TMEM108: variants seen among roughly 807,000 people sequenced by gnomAD.
The protein encoded by TMEM108 is cancer/testis antigen 124.
TMEM108 carries 12 observed loss-of-function variants against 35.1 expected under a neutral mutation model. The ratio of observed to expected loss-of-function variants is 0.34; its 90% CI spans 0.22 to 0.55. TMEM108 has a LOEUF of 0.55. Ranked by LOEUF, TMEM108 falls within the 20% of genes least tolerant of loss-of-function variation. The pLI is 0.89. For missense variants in TMEM108, 680 were observed against 753.3 expected (o/e 0.90, Z 1.14); for synonymous variants, 287 against 308.6 (o/e 0.93, Z 0.73).
intron 2 of TMEM108, among the ~76,000 whole-genome samples, chr3:133,171,316 T>C (rs569630420): frequency 6.6e-6 from 1 of 152,358 alleles, no homozygotes; most frequent in African/African-American, 2.4e-5. Flanking sequence ...ATTGCTAGTA[T>C]ATAATTTTAA....
chr3:133,080,158 G>A (rs566028136), intron 2 of TMEM108, among the ~76,000 whole-genome samples: 1 of 152,142 alleles, frequency 6.6e-6, no homozygotes. Flanking sequence ...GAGCACAGAT[G>A]GGGGACCGTT....
intron 2 of TMEM108, among the ~76,000 whole-genome samples, chr3:133,154,371 A>G (rs6808842): frequency 3.9e-5 from 6 of 152,092 alleles, no homozygotes; most frequent in African/African-American, 9.7e-5. Context: ...GCCCATGCCT[A>G]TGTCCTGAAT....
chr3:133,288,065 T>G (rs1468165852), intron 3 of TMEM108, among the ~76,000 whole-genome samples: 1 of 152,194 alleles, frequency 6.6e-6, no homozygotes, highest in African/African-American at 2.4e-5. Context: ...GAGAATTATG[T>G]GAAATTGTTA....
chr3:133,333,992 G>C (rs959478412), intron 3 of TMEM108, among the ~76,000 whole-genome samples: 3 of 152,044 alleles, frequency 2.0e-5, no homozygotes, highest in Admixed American at 6.5e-5. Flanking sequence ...TTTTATAAAT[G>C]ACAAATAGCC....
chr3:133,354,143 CTT>C (rs2072090460), intron 3 of TMEM108, among the ~76,000 whole-genome samples: 1 of 152,194 alleles, frequency 6.6e-6, no homozygotes, highest in Admixed American at 6.5e-5. Context: ...TGTTATAAAA[CTT>C]ATGTCTGTGC....
At chr3:133,215,971 G>C (rs75856246) in intron 2 of TMEM108, among the ~76,000 whole-genome samples, 1,894 of 152,020 alleles carry the variant, frequency 0.012, 17 homozygotes, top group South Asian at 0.024. Context: ...TATATCATTG[G>C]GCCTACTCGT....
intron 3 of TMEM108, among the ~76,000 whole-genome samples, chr3:133,366,960 G>C (rs911716430): frequency 3.3e-5 from 5 of 152,212 alleles, no homozygotes; most frequent in African/African-American, 1.2e-4. Flanking sequence ...GTGGTGATGA[G>C]CTGGATAGAA....
chr3:133,091,812 A>G (rs1943949949), intron 2 of TMEM108, among the ~76,000 whole-genome samples: 1 of 152,182 alleles, frequency 6.6e-6, no homozygotes, highest in Non-Finnish European at 1.5e-5. Flanking sequence ...AAAGGCAGAA[A>G]ATGAACTGAT....
chr3:133,171,706 C>G (rs1428979161), intron 2 of TMEM108, among the ~76,000 whole-genome samples: 1 of 152,164 alleles, frequency 6.6e-6, no homozygotes, highest in East Asian at 1.9e-4. Flanking sequence ...ATTTGAGAAG[C>G]ACTGCATGGG....
At chr3:133,186,117 T>C (rs915792349) in intron 2 of TMEM108, among the ~76,000 whole-genome samples, 2 of 152,126 alleles carry the variant, frequency 1.3e-5, no homozygotes, top group Non-Finnish European at 2.9e-5. Context: ...AAAAACAGAG[T>C]TGACGTTATT....
At chr3:133,082,231 TAC>T (rs930410283) in intron 2 of TMEM108, among the ~76,000 whole-genome samples, 3 of 152,346 alleles carry the variant, frequency 2.0e-5, no homozygotes, top group African/African-American at 7.2e-5. Context: ...CTCTGGAGTT[TAC>T]AGTCTACTGG....
chr3:133,212,597 T>G (rs1357785852), intron 2 of TMEM108, among the ~76,000 whole-genome samples: 1 of 151,824 alleles, frequency 6.6e-6, no homozygotes, highest in East Asian at 1.9e-4. Flanking sequence ...CCAGGCATGG[T>G]GTCTCATGCC....
chr3:133,124,235 C>T (rs1008548413), intron 2 of TMEM108, among the ~76,000 whole-genome samples: 21 of 152,140 alleles, frequency 1.4e-4, no homozygotes, highest in Admixed American at 5.2e-4. Context: ...CCAAAATAAC[C>T]GAAATGAAGA....
At chr3:133,057,465 A>C (rs1490864233) in intron 2 of TMEM108, among the ~76,000 whole-genome samples, 5 of 38,148 alleles carry the variant, frequency 1.3e-4, no homozygotes, top group African/African-American at 3.7e-4. Context: ...ATATATATAT[A>C]TATATATATA....
At chr3:133,394,444 T>C (rs2073277267) in intron 5 of TMEM108, among the ~76,000 whole-genome samples, 1 of 152,250 alleles carries the variant, frequency 6.6e-6, no homozygotes, top group African/African-American at 2.4e-5. Context: ...CTGTTTTCTC[T>C]TCTTCCTTCT....
At chr3:133,282,800 C>T (rs909653429) in intron 3 of TMEM108, among the ~76,000 whole-genome samples, 5 of 151,848 alleles carry the variant, frequency 3.3e-5, no homozygotes, top group East Asian at 1.9e-4. Flanking sequence ...CATAATGCCC[C>T]GTAAATGCTC....
chr3:133,155,132 G>T (rs139514537), intron 2 of TMEM108, among the ~76,000 whole-genome samples: 1 of 152,038 alleles, frequency 6.6e-6, no homozygotes, highest in Admixed American at 6.6e-5. Context: ...TCTTGCATTC[G>T]TTTGGTAAGG....
intron 2 of TMEM108, among the ~76,000 whole-genome samples, chr3:133,133,317 A>T (rs566513248): frequency 2.0e-5 from 3 of 152,342 alleles, no homozygotes; most frequent in African/African-American, 7.2e-5. Context: ...AGGATCCTCT[A>T]CCAGCAAAAA....
chr3:133,068,007 A>G (rs565266122), intron 2 of TMEM108, among the ~76,000 whole-genome samples: 4 of 152,136 alleles, frequency 2.6e-5, no homozygotes, highest in Non-Finnish European at 4.4e-5. Context: ...ACAGAGGGGA[A>G]ATCAGGCTAA....
Sources: gnomAD v4.1 joint callset for allele counts (sites outside exome capture counted in the v4.1 genomes callset) on GRCh38, gnomAD v4.1.1 for gene constraint, MANE v1.5 for transcripts, NCBI Gene and HGNC (gene_info 2026-07-23, HGNC 2026-07-21) for gene names.